The following CEP128 variants were observed in gnomAD, a reference collection of about 807,000 sequenced individuals.
CEP128 encodes centrosomal protein 128.
A neutral mutation model predicts 156.7 loss-of-function variants in CEP128; 132 were observed. The ratio of observed to expected loss-of-function variants is 0.84; its 90% confidence interval spans 0.73 to 0.97. CEP128 has a LOEUF of 0.97. CEP128 is among the 50% of genes least tolerant of loss of function. CEP128 has a pLI of 0.00. For missense variants in CEP128, 1,252 were observed against 1,281.9 expected (o/e 0.98, Z 0.36); for synonymous variants, 469 against 448.9 (o/e 1.04, Z -0.57).
intron 21 of CEP128, among the ~76,000 whole-genome samples, chr14:80,547,620 T>C (rs1035390555): frequency 2.6e-5 from 4 of 152,188 alleles, no homozygotes; most frequent in Non-Finnish European, 2.9e-5. Flanking sequence ...TTGTCTGCTG[T>C]ATGCTTTATG....
rs774509549 is a variant in CEP128, at chr14:80,580,426, G to A, written c.2807-3C>T. On this transcript the variant is annotated splice_polypyrimidine_tract_variant and splice_region_variant and intron_variant, in intron 19 of 24. Coordinates refer to ENST00000555265, the MANE Select transcript of CEP128 (RefSeq NM_152446.5). ...TCTTTGGGTCTCTTCCAGTAGATCT[G>A]TAATAAGAAAGTAAAATACCCATCA... 5 of 1,583,548 alleles carry A rather than the reference G, an allele frequency of 3.2e-6. No homozygotes were observed. In the South Asian group the frequency reaches 5.7e-5, roughly 18 times the overall value.
chr14:80,620,281 C>T (rs1378857766), intron 19 of CEP128, among the ~76,000 whole-genome samples: 1 of 152,014 alleles, frequency 6.6e-6, no homozygotes, highest in East Asian at 1.9e-4. Flanking sequence ...AACAGGTTAG[C>T]CACAGTTTTA....
In CEP128 at chr14:80,504,993, G is replaced by T. The variant is rs752661407; in HGVS notation, c.3100C>A (p.His1034Asn). ...GATGAGTGATCTAACCCACGAGTGT[G>T]GGAACCTTCCAGAAAGGTTCTGTCA... ...KGDRTFLEGS[H>N]TRGLDHSSSW... The change falls in exon 24 of 25, where the codon CAC becomes AAC. Residue 1034 changes from histidine (H) to asparagine (N), a missense_variant. By Grantham distance (68) the His-to-Asn change is moderately conservative. Transcript: ENST00000555265. 1 of 1,597,872 alleles carries T rather than the reference G, an allele frequency of 6.3e-7. No individual in the cohort carries two copies. Among genetic ancestry groups the T allele is most frequent in the South Asian group, 1.1e-5 (1 of 87,686 alleles).
chr14:80,653,513 A>G (rs558689260), intron 19 of CEP128, among the ~76,000 whole-genome samples: 2 of 152,310 alleles, frequency 1.3e-5, no homozygotes, highest in Non-Finnish European at 2.9e-5. Flanking sequence ...CAGATTTTCT[A>G]TACAGGCATA....
intron 18 of CEP128, among the ~76,000 whole-genome samples, chr14:80,748,103 T>A (rs1417272528): frequency 6.6e-6 from 1 of 152,210 alleles, no homozygotes; most frequent in African/African-American, 2.4e-5. Flanking sequence ...TACACCTCTA[T>A]GAATAAACGA....
At chr14:80,674,295 G>A (rs1448512124) in intron 19 of CEP128, among the ~76,000 whole-genome samples, 3 of 151,994 alleles carry the variant, frequency 2.0e-5, no homozygotes, top group Admixed American at 6.6e-5. Flanking sequence ...CATGAATAAT[G>A]TTAATATAAT....
At chr14:80,559,784 G>A (rs867934347) in intron 20 of CEP128, among the ~76,000 whole-genome samples, 2 of 152,296 alleles carry the variant, frequency 1.3e-5, no homozygotes, top group Middle Eastern at 3.4e-3. Context: ...AATCATTATT[G>A]AAAACAAGGC....
chr14:80,823,026 G>T (rs1885274403), intron 13 of CEP128, among the ~76,000 whole-genome samples: 2 of 152,156 alleles, frequency 1.3e-5, no homozygotes, highest in Non-Finnish European at 2.9e-5. Context: ...GGTTTTGAGA[G>T]ACTTCCTCTT....
intron 19 of CEP128, among the ~76,000 whole-genome samples, chr14:80,678,045 AAAAAAT>A (rs1213586351): frequency 6.5e-5 from 2 of 30,690 alleles, no homozygotes; most frequent in African/African-American, 2.1e-4. Flanking sequence ...CTCTATAAAA[AAAAAAT>A]ATATATATAT....
At chr14:80,486,702 G>A (rs937959759), downstream of CEP128, among the ~76,000 whole-genome samples, 9 of 152,146 alleles carry the variant, frequency 5.9e-5, no homozygotes, top group African/African-American at 1.9e-4. Flanking sequence ...AGAAGAGAGT[G>A]GGGGCCAATA....
chr14:80,953,558 C>A (rs941641964), intron 2 of CEP128, among the ~76,000 whole-genome samples: 5 of 152,230 alleles, frequency 3.3e-5, no homozygotes, highest in African/African-American at 1.2e-4. Flanking sequence ...GCACTCCAGC[C>A]TGGGCGACAG....
At chr14:80,761,316 T>C (rs1304564111) in intron 17 of CEP128, 121 bp downstream of exon 17, 1 of 725,128 alleles carries the variant, frequency 1.4e-6, no homozygotes, top group Non-Finnish European at 2.1e-6. Flanking sequence ...ATGCAAAATG[T>C]TATTTTGTTT....
chr14:80,618,527 G>A (rs1397043646), intron 19 of CEP128, among the ~76,000 whole-genome samples: 1 of 152,206 alleles, frequency 6.6e-6, no homozygotes, highest in Non-Finnish European at 1.5e-5. Context: ...GTTCCTGGAT[G>A]CTCAAACAGT....
At chr14:80,933,107 A>G (rs1345831785) in intron 2 of CEP128, among the ~76,000 whole-genome samples, 1 of 152,106 alleles carries the variant, frequency 6.6e-6, no homozygotes, top group Non-Finnish European at 1.5e-5. Flanking sequence ...TTCTTACTGA[A>G]TCTGACAGAC....
At chr14:80,739,341 A>G (rs2139575966) in intron 19 of CEP128, among the ~76,000 whole-genome samples, 1 of 152,330 alleles carries the variant, frequency 6.6e-6, no homozygotes, top group African/African-American at 2.4e-5. Context: ...TAGCATATTC[A>G]AAACACTAAA....
intron 19 of CEP128, among the ~76,000 whole-genome samples, chr14:80,710,736 T>C (rs939625497): frequency 1.3e-5 from 2 of 152,108 alleles, no homozygotes; most frequent in South Asian, 2.1e-4. Flanking sequence ...GTGCATTCTA[T>C]TGACTTTAAT....
At chr14:80,946,068 T>A (rs1886332483), upstream of CEP128, among the ~76,000 whole-genome samples, 1 of 152,200 alleles carries the variant, frequency 6.6e-6, no homozygotes, top group African/African-American at 2.4e-5. Context: ...CATTTCTTCC[T>A]CTTCTAAATG....
intron 19 of CEP128, among the ~76,000 whole-genome samples, chr14:80,697,326 C>G (rs1896924592): frequency 6.6e-6 from 1 of 151,970 alleles, no homozygotes. Context: ...AAAGAATTTA[C>G]AGGTTCTAAA....
At chr14:80,710,207 G>A (rs1426659136) in intron 19 of CEP128, among the ~76,000 whole-genome samples, 2 of 152,008 alleles carry the variant, frequency 1.3e-5, no homozygotes, top group African/African-American at 4.8e-5. Flanking sequence ...AAAGGGTTTA[G>A]AACAGAGGCC....
Sources: gnomAD v4.1 joint callset for allele counts (sites outside exome capture counted in the v4.1 genomes callset) on GRCh38, gnomAD v4.1.1 for gene constraint, MANE v1.5 for transcripts, NCBI Gene and HGNC (gene_info 2026-07-23, HGNC 2026-07-21) for gene names.